The following MDGA2 variants were observed in gnomAD, a reference collection of about 807,000 sequenced individuals.
MDGA2 encodes MAM domain-containing glycosylphosphatidylinositol anchor protein 2.
In MDGA2, 40 loss-of-function variants were observed where a neutral mutation model predicts 117.8. The observed-to-expected ratio is 0.34, with a 90% CI of 0.26 to 0.44. MDGA2 has a LOEUF of 0.44. MDGA2 is among the 20% of genes least tolerant of loss of function. The pLI is 1.00. For synonymous variants in MDGA2, 452 were observed against 439.0 expected, an observed-to-expected ratio of 1.03 and a Z score of -0.37; for missense variants, 1,123 against 1,250.6, an observed-to-expected ratio of 0.90 and a Z score of 1.54.
At chr14:46,893,201 G>A (rs1882947826) in intron 10 of MDGA2, among the ~76,000 whole-genome samples, 1 of 151,958 alleles carries the variant, frequency 6.6e-6, no homozygotes, top group African/African-American at 2.4e-5. Flanking sequence ...CAACAGCAGG[G>A]CGGACCTAGA....
intron 3 of MDGA2, among the ~76,000 whole-genome samples, chr14:47,182,014 T>C (rs951379524): frequency 1.3e-5 from 2 of 152,160 alleles, no homozygotes; most frequent in Non-Finnish European, 2.9e-5. Context: ...GATGAACTAA[T>C]CAAATAGTAA....
intron 7 of MDGA2, among the ~76,000 whole-genome samples, chr14:47,047,659 C>G (rs987616129): frequency 6.6e-6 from 1 of 151,998 alleles, no homozygotes; most frequent in Non-Finnish European, 1.5e-5. Flanking sequence ...TTAGTTATTA[C>G]TATGTTTTCT....
intron 9 of MDGA2, among the ~76,000 whole-genome samples, chr14:46,935,565 C>T (rs143647101): frequency 5.9e-5 from 9 of 152,268 alleles, no homozygotes; most frequent in African/African-American, 2.2e-4. Flanking sequence ...CTTACAAGCC[C>T]CAAAACCTTT....
intron 9 of MDGA2, among the ~76,000 whole-genome samples, chr14:46,945,991 G>A (rs1885159742): frequency 6.6e-6 from 1 of 152,030 alleles, no homozygotes. Flanking sequence ...ATATGGTTAA[G>A]TAGATAGTGT....
At chr14:47,580,462 G>C (rs1399344186) in intron 1 of MDGA2, among the ~76,000 whole-genome samples, 2 of 151,928 alleles carry the variant, frequency 1.3e-5, no homozygotes, top group Non-Finnish European at 2.9e-5. Context: ...TCAATTTTGA[G>C]GGTATACAAA....
chr14:47,104,259 T>C (rs1374138021), intron 5 of MDGA2, among the ~76,000 whole-genome samples: 2 of 152,016 alleles, frequency 1.3e-5, no homozygotes, highest in African/African-American at 4.8e-5. Context: ...TATGCCCAGA[T>C]GGCCTGAAGT....
chr14:47,279,784 T>A (rs554284187), intron 2 of MDGA2, among the ~76,000 whole-genome samples: 1 of 152,208 alleles, frequency 6.6e-6, no homozygotes, highest in East Asian at 1.9e-4. Flanking sequence ...TTTTCTTTTT[T>A]AAAAAATTCA....
At chr14:47,617,900 T>C (rs563223362) in intron 1 of MDGA2, among the ~76,000 whole-genome samples, 2 of 152,252 alleles carry the variant, frequency 1.3e-5, no homozygotes, top group East Asian at 3.9e-4. Flanking sequence ...AAGATTTATA[T>C]TAAAAAATGC....
chr14:47,031,481 G>A (rs1165274201), intron 8 of MDGA2, among the ~76,000 whole-genome samples: 1 of 152,082 alleles, frequency 6.6e-6, no homozygotes, highest in Admixed American at 6.6e-5. Context: ...GTGCTTGCGT[G>A]TAAAATAGGC....
intron 3 of MDGA2, among the ~76,000 whole-genome samples, chr14:47,193,625 C>G (rs1885189435): frequency 6.6e-6 from 1 of 152,138 alleles, no homozygotes; most frequent in Admixed American, 6.6e-5. Context: ...GCTTAGCACA[C>G]TAGCTTTCTC....
chr14:47,597,052 T>A (rs1372157062), intron 1 of MDGA2, among the ~76,000 whole-genome samples: 2 of 152,106 alleles, frequency 1.3e-5, no homozygotes, highest in East Asian at 1.9e-4. Flanking sequence ...ACATTCAAAA[T>A]CCCATCAAAA....
chr14:47,596,353 A>G (rs143400464), intron 1 of MDGA2, among the ~76,000 whole-genome samples: 57 of 152,322 alleles, frequency 3.7e-4, no homozygotes, highest in African/African-American at 1.3e-3. Flanking sequence ...CTGAAAACAG[A>G]TAAAGATTTA....
At chr14:47,170,805 C>T (rs1259919241) in intron 3 of MDGA2, among the ~76,000 whole-genome samples, 1 of 152,074 alleles carries the variant, frequency 6.6e-6, no homozygotes, top group African/African-American at 2.4e-5. Flanking sequence ...AATTTCAAAA[C>T]CAATTTTGAT....
At chr14:47,520,559 A>AT (rs1250958930) in intron 1 of MDGA2, among the ~76,000 whole-genome samples, 5 of 152,166 alleles carry the variant, frequency 3.3e-5, no homozygotes, top group Non-Finnish European at 7.4e-5. Flanking sequence ...TATATTAGTC[A>AT]TTTTTTTCTA....
At chr14:47,276,453 A>C (rs528333414) in intron 2 of MDGA2, among the ~76,000 whole-genome samples, 19 of 152,348 alleles carry the variant, frequency 1.2e-4, no homozygotes, top group African/African-American at 4.1e-4. Context: ...TAATATATTA[A>C]GGTGGTCAGA....
chr14:47,333,822 T>C (rs1890363236), intron 1 of MDGA2, among the ~76,000 whole-genome samples: 1 of 151,894 alleles, frequency 6.6e-6, no homozygotes, highest in Non-Finnish European at 1.5e-5. Context: ...TATTTTGACT[T>C]GACAGATGAG....
Position 47,665,744 on chromosome 14 carries a change from G to A in MDGA2, c.280+8773C>T, listed in dbSNP as rs575416962. Among the ~76,000 whole-genome samples the A allele has an allele frequency of 1.0e-4, 14 of 136,238 alleles. No individual in the cohort carries two copies. In the South Asian group the frequency reaches 1.4e-3, roughly 13 times the overall value. 89.4% of individuals were successfully genotyped at this position (136,238 alleles called of 152,430 possible). On this transcript the variant is annotated intron_variant, in intron 1 of 16. Coordinates refer to ENST00000399232, the MANE Select transcript of MDGA2 (RefSeq NM_001113498.3). ...CCACCAGCACTGCACTTGATTTCTT[G>A]TCCAGCCTTAGCTGCCTCCCTGCGG... is the stretch of plus-strand genomic sequence containing the variant.
intron 6 of MDGA2, among the ~76,000 whole-genome samples, chr14:47,075,041 C>T (rs1289724168): frequency 1.3e-5 from 2 of 152,236 alleles, no homozygotes; most frequent in Non-Finnish European, 2.9e-5. Flanking sequence ...AACCTTTCCC[C>T]GCATTTCCTT....
chr14:46,945,941 G>A (rs888692807), intron 9 of MDGA2, among the ~76,000 whole-genome samples: 6 of 152,020 alleles, frequency 3.9e-5, no homozygotes, highest in African/African-American at 1.4e-4. Context: ...AGGAAGACAT[G>A]AGTTGTATAA....
Sources: allele counts gnomAD v4.1 joint callset (sites outside exome capture counted in the v4.1 genomes callset), GRCh38; gene constraint gnomAD v4.1.1; transcripts MANE v1.5; gene names NCBI Gene and HGNC (gene_info 2026-07-23, HGNC 2026-07-21).